Variants in MYO3B observed in about 807,000 individuals in gnomAD.
The protein encoded by MYO3B is myosin IIIB.
MYO3B carries 156 observed loss-of-function variants against 174.6 expected under a neutral mutation model. The ratio of observed to expected loss-of-function variants is 0.89; its 90% confidence interval spans 0.78 to 1.02. The LOEUF (loss-of-function observed/expected upper bound fraction) is 1.02. Ranked by LOEUF, MYO3B falls within the 50% of genes least tolerant of loss-of-function variation. MYO3B has a pLI of 0.00. For synonymous variants in MYO3B, 563 were observed against 569.1 expected (o/e 0.99, Z 0.15); for missense variants, 1,632 against 1,639.4 (o/e 1.00, Z 0.08).
At chr2:170,604,021 A>T (rs1694670568) in intron 32 of MYO3B, among the ~76,000 whole-genome samples, 2 of 152,244 alleles carry the variant, frequency 1.3e-5, no homozygotes, top group African/African-American at 4.8e-5. Context: ...ACAGGTTTGT[A>T]GCCTAAAAAC....
intron 7 of MYO3B, among the ~76,000 whole-genome samples, chr2:170,322,099 C>A (rs948802029): frequency 3.0e-5 from 4 of 132,108 alleles, no homozygotes; most frequent in African/African-American, 1.2e-4. Flanking sequence ...GGTGAAAGAG[C>A]GAGACTCCGT....
chr2:170,398,414 G>C (rs982745697), intron 16 of MYO3B, among the ~76,000 whole-genome samples: 1 of 152,008 alleles, frequency 6.6e-6, no homozygotes, highest in South Asian at 2.1e-4. Context: ...TTTTTACGGA[G>C]GTTCCATTAT....
intron 8 of MYO3B, among the ~76,000 whole-genome samples, chr2:170,361,894 T>C (rs559873222): frequency 2.0e-5 from 3 of 152,222 alleles, no homozygotes; most frequent in Non-Finnish European, 2.9e-5. Context: ...GAATTTTTGT[T>C]ACCACATCTC....
intron 7 of MYO3B, among the ~76,000 whole-genome samples, chr2:170,307,950 C>T (rs1191136265): frequency 1.3e-5 from 2 of 152,302 alleles, no homozygotes; most frequent in Admixed American, 6.5e-5. Flanking sequence ...CGATCCCTGC[C>T]TCCTACTTCA....
At chr2:170,401,013 G>A (rs369472288) in intron 17 of MYO3B, among the ~76,000 whole-genome samples, 1 of 152,076 alleles carries the variant, frequency 6.6e-6, no homozygotes, top group Non-Finnish European at 1.5e-5. Context: ...AGCATATACA[G>A]GAGAGAAAGC....
intron 25 of MYO3B, among the ~76,000 whole-genome samples, chr2:170,498,261 G>A (rs1293369901): frequency 6.6e-6 from 1 of 152,114 alleles, no homozygotes; most frequent in Non-Finnish European, 1.5e-5. Context: ...ATATTTAGGA[G>A]TATTACTTTC....
chr2:170,387,062 A>G (rs2105752956), intron 13 of MYO3B, 44 bp from the exon 14 acceptor site: 1 of 1,599,428 alleles, frequency 6.3e-7, no homozygotes, highest in Non-Finnish European at 8.6e-7. Context: ...TTGCTGGTGT[A>G]ATGTTTCTGG....
At chr2:170,245,423 A>C (rs1017637494) in intron 7 of MYO3B, among the ~76,000 whole-genome samples, 8 of 152,220 alleles carry the variant, frequency 5.3e-5, no homozygotes, top group African/African-American at 1.7e-4. Flanking sequence ...CACTACCAGC[A>C]TCCCCCAAAG....
chr2:170,545,031 G>A (rs1690388441), intron 32 of MYO3B, among the ~76,000 whole-genome samples: 1 of 152,032 alleles, frequency 6.6e-6, no homozygotes, highest in South Asian at 2.1e-4. Flanking sequence ...TATTTTAATT[G>A]GAGTGTTTAG....
At chr2:170,509,078 C>A (rs10200033) in intron 28 of MYO3B, among the ~76,000 whole-genome samples, 41,415 of 152,054 alleles carry the variant, frequency 0.27, 6,814 homozygotes, top group African/African-American at 0.46. Context: ...AACTTCAGGC[C>A]GGGCACAGTG....
chr2:170,193,202 G>A (rs528806287), intron 1 of MYO3B, among the ~76,000 whole-genome samples: 1 of 151,978 alleles, frequency 6.6e-6, no homozygotes, highest in East Asian at 1.9e-4. Flanking sequence ...ACTTTTATAA[G>A]CTTATTATTG....
intron 7 of MYO3B, among the ~76,000 whole-genome samples, chr2:170,263,197 A>G (rs182351630): frequency 6.4e-4 from 97 of 152,272 alleles, no homozygotes; most frequent in African/African-American, 1.8e-3. Flanking sequence ...GGGCTTGGCT[A>G]GACGGTTTTT....
chr2:170,178,437 A>G, intron 1 of MYO3B, 148 bp downstream of exon 1: 1 of 1,024,396 alleles, frequency 9.8e-7, no homozygotes, highest in Admixed American at 1.8e-5. Context: ...GACATCACCC[A>G]GATTCCTGGG....
At chr2:170,205,311 T>C (rs2092702722) in intron 3 of MYO3B, among the ~76,000 whole-genome samples, 1 of 152,150 alleles carries the variant, frequency 6.6e-6, no homozygotes, top group Admixed American at 6.5e-5. Context: ...TGGCCACACT[T>C]AAAGTAGGGC....
At chr2:170,432,663 G>A (rs1337264743) in intron 22 of MYO3B, among the ~76,000 whole-genome samples, 11 of 150,930 alleles carry the variant, frequency 7.3e-5, no homozygotes, top group South Asian at 2.1e-4. Context: ...TGCAAGCTCC[G>A]CCTCCCGGGT....
chr2:170,382,068 T>C lies in MYO3B; in HGVS notation c.1024T>C (p.Tyr342His). 6.2e-7 allele frequency: 1 copy of C among 1,613,662 alleles called. No individual in the cohort carries two copies. The highest frequency in any genetic ancestry group is 1.3e-5 in the African/African-American group (1 of 75,044). ...RPYHVEDAEK[Y>H]CLEDDLVNLE... ...TTATCATGTGGAAGATGCTGAAAAA[T>C]ACTGCCTTGAGGATGATTTGGTCAA... The change falls in exon 10 of 35, where the codon TAC becomes CAC. Residue 342 changes from tyrosine (Y) to histidine (H), a missense_variant. Tyr to His is a moderately conservative substitution (Grantham distance 83, BLOSUM62 2). Coordinates refer to ENST00000408978, the MANE Select transcript of MYO3B (RefSeq NM_138995.5).
At chr2:170,635,254 C>T (rs534212101) in intron 32 of MYO3B, among the ~76,000 whole-genome samples, 53 of 152,282 alleles carry the variant, frequency 3.5e-4, no homozygotes, top group East Asian at 2.3e-3. Flanking sequence ...AAATGTGGCA[C>T]ATATACACCA....
At chr2:170,649,999 G>C (rs1009114424) in intron 32 of MYO3B, 2 of 134,748 alleles carry the variant, frequency 1.5e-5, no homozygotes, top group Non-Finnish European at 3.1e-5. Flanking sequence ...TGGGTATTTA[G>C]AATGGATGGA....
At chr2:170,265,674 T>A (rs2093378001) in intron 7 of MYO3B, among the ~76,000 whole-genome samples, 1 of 152,234 alleles carries the variant, frequency 6.6e-6, no homozygotes, top group Admixed American at 6.5e-5. Context: ...ACAGTCCAGG[T>A]AATACCAGAT....
Sources: allele counts gnomAD v4.1 joint callset (sites outside exome capture counted in the v4.1 genomes callset), GRCh38; gene constraint gnomAD v4.1.1; transcripts MANE v1.5; gene names NCBI Gene and HGNC (gene_info 2026-07-23, HGNC 2026-07-21).